The following STARD9 variants were observed in gnomAD, a reference collection of about 807,000 sequenced individuals.
STARD9 encodes stAR-related lipid transfer protein 9.
STARD9 carries 346 observed loss-of-function variants against 399.8 expected under a neutral mutation model. The observed-to-expected ratio is 0.87, with a 90% confidence interval of 0.79 to 0.95. STARD9 has a LOEUF of 0.95. Among genes scored for constraint, STARD9 ranks in the 40% least tolerant of loss-of-function variants. The pLI is 0.00. For missense variants in STARD9, 5,832 were observed against 5,667.5 expected (o/e 1.03, Z -0.93); for synonymous variants, 2,203 against 2,143.5 (o/e 1.03, Z -0.77).
At chr15:42,631,282 A>G (rs1369345838) in intron 3 of STARD9, among the ~76,000 whole-genome samples, 5 of 152,038 alleles carry the variant, frequency 3.3e-5, no homozygotes, top group Non-Finnish European at 5.9e-5. Flanking sequence ...TTCCGTATCC[A>G]TTTGTTTCAA....
intron 3 of STARD9, among the ~76,000 whole-genome samples, chr15:42,585,872 A>G (rs2058267814): frequency 6.6e-6 from 1 of 152,252 alleles, no homozygotes; most frequent in Admixed American, 6.5e-5. Context: ...ATGGTAGGTA[A>G]CAAAAGAAGC....
At chr15:42,655,718 AAAAC>A (rs2059854439) in intron 9 of STARD9, among the ~76,000 whole-genome samples, 2 of 152,238 alleles carry the variant, frequency 1.3e-5, no homozygotes, top group South Asian at 4.1e-4. Flanking sequence ...AAATGCAACA[AAAAC>A]AAAGAGAAAT....
In STARD9 at chr15:42,653,046, G is replaced by A. The variant is rs532382669; in HGVS notation, c.702+454G>A. 4.6e-5 allele frequency among the ~76,000 whole-genome samples: 7 copies of A among 152,010 alleles called. No homozygotes were observed. In the East Asian group the frequency reaches 9.7e-4, roughly 21 times the overall value. ...CTGATAGAACCTAATATTGTAAACC[G>A]GATTTACACACAATCCGTTAAGCTA... On this transcript the variant is annotated intron_variant, in intron 9 of 32. Transcript: ENST00000290607.
In STARD9 at chr15:42,718,115, C is replaced by T. The variant is rs931435627; in HGVS notation, c.13698C>T (p.Pro4566=). 2.0e-6 allele frequency: 3 copies of T among 1,537,204 alleles called. No individual in the cohort carries two copies. The highest frequency in any genetic ancestry group is 2.6e-6 in the Non-Finnish European group (3 of 1,146,900). Residue 4566 remains proline, a synonymous_variant, in exon 30 of 33, where the codon CCC becomes CCT. Transcript: ENST00000290607. ...CTGTCAGTGACCCCACTGTGTGGCC[C>T]CTGTATTACAAGCCCATCCAGACAG... The part of the protein sequence containing the change: ...WAAVSDPTVW[P]LYYKPIQTAR...
chr15:42,691,990 T>A lies in STARD9; in HGVS notation c.10412T>A (p.Leu3471Gln), dbSNP rs1366454850. ...FGSSDISPYALPWRPEEPARI... is the reference protein window; with the variant it reads ...FGSSDISPYAQPWRPEEPARI... ...TCCAGTGACATCAGTCCCTATGCGCTGCCGTGGCGTCCGGAGGAGCCTGCA... is the reference window on the plus strand; with the variant it reads ...TCCAGTGACATCAGTCCCTATGCGCAGCCGTGGCGTCCGGAGGAGCCTGCA... Residue 3471 changes from leucine (L) to glutamine (Q), a missense_variant, in exon 23 of 33, where the codon CTG (leucine) becomes CAG (glutamine). By Grantham distance (113) the Leu-to-Gln change is moderately radical. Coordinates refer to ENST00000290607, the MANE Select transcript of STARD9 (RefSeq NM_020759.3). 5.9e-6 allele frequency: 9 copies of A among 1,537,108 alleles called. No individual in the cohort carries two copies. The Admixed American group carries it at 1.8e-4, about 30-fold the overall frequency.
chr15:42,638,120 A>G, intron 6 of STARD9, 33 bp downstream of exon 6: 2 of 1,521,996 alleles, frequency 1.3e-6, no homozygotes, highest in Non-Finnish European at 1.8e-6. Context: ...GACCTACAGT[A>G]GTTCTTCTTC....
chr15:42,694,851 C>T (rs1210491684), intron 24 of STARD9, 126 bp downstream of exon 24: 1 of 411,958 alleles, frequency 2.4e-6, no homozygotes, highest in Non-Finnish European at 4.2e-6. Context: ...GGAAAGAGGA[C>T]ATAGAAGGGA....
chr15:42,589,336 G>A (rs1169842485), intron 3 of STARD9, among the ~76,000 whole-genome samples: 1 of 152,158 alleles, frequency 6.6e-6, no homozygotes, highest in Non-Finnish European at 1.5e-5. Flanking sequence ...ATAGGCATGA[G>A]TCACCACGCT....
intron 3 of STARD9, among the ~76,000 whole-genome samples, chr15:42,606,632 T>A (rs77315870): frequency 4.9e-5 from 7 of 144,220 alleles, no homozygotes; most frequent in Non-Finnish European, 7.7e-5. Context: ...ATTTTTGTAT[T>A]TTTTTTTTTT....
chr15:42,648,785 T>G (rs2059696605), intron 7 of STARD9, among the ~76,000 whole-genome samples: 1 of 152,112 alleles, frequency 6.6e-6, no homozygotes, highest in African/African-American at 2.4e-5. Context: ...TACCATTACC[T>G]CTTATAATAA....
chr15:42,585,041 C>A (rs778918857), intron 2 of STARD9, among the ~76,000 whole-genome samples: 2 of 152,084 alleles, frequency 1.3e-5, no homozygotes, highest in African/African-American at 4.8e-5. Flanking sequence ...TATAAAATTA[C>A]CTTCAAGCTA....
At chr15:42,612,565 G>A (rs1320776542) in intron 3 of STARD9, among the ~76,000 whole-genome samples, 2 of 152,144 alleles carry the variant, frequency 1.3e-5, no homozygotes, top group Non-Finnish European at 2.9e-5. Context: ...AGGGAGGAGG[G>A]AAGTGTTAGA....
chr15:42,633,645 T>TC (rs1425044085), intron 3 of STARD9, among the ~76,000 whole-genome samples: 2 of 151,554 alleles, frequency 1.3e-5, no homozygotes, highest in African/African-American at 2.4e-5. Flanking sequence ...TTTCTTTCTT[T>TC]CTTTTTTTTT....
intron 3 of STARD9, among the ~76,000 whole-genome samples, chr15:42,602,206 C>T (rs2058643929): frequency 6.6e-6 from 1 of 152,204 alleles, no homozygotes. Flanking sequence ...CTTTGTCAGA[C>T]ATGGCAATAG....
chr15:42,688,053 C>A lies in STARD9; in HGVS notation c.6475C>A (p.Arg2159=). ...PNPFRSREGV[R]ESEPVREHTH... ...CCCCTTCAGGTCAAGGGAAGGTGTA[C>A]GAGAGAGTGAACCTGTGAGAGAGCA... The change falls in exon 23 of 33, where the codon CGA becomes AGA. Residue 2159 remains arginine, a synonymous_variant. Coordinates refer to ENST00000290607, the MANE Select transcript of STARD9 (RefSeq NM_020759.3). 1 of 1,537,400 alleles carries A rather than the reference C, an allele frequency of 6.5e-7. No homozygotes were observed. Among genetic ancestry groups the A allele is most frequent in the African/African-American group, 1.4e-5 (1 of 73,158 alleles).
At position 42,688,477 on chromosome 15, in the gene STARD9, G is replaced by A; in HGVS notation, c.6899G>A (p.Ser2300Asn). Reference protein sequence around the residue: ...NKVTQKFPSLSQLCRDTFFRQ... With the variant: ...NKVTQKFPSLNQLCRDTFFRQ... Reference sequence around the variant, plus strand: ...GTGACTCAGAAATTTCCTAGTCTCAGCCAGCTTTGTAGGGACACGTTTTTC... The same window carrying A: ...GTGACTCAGAAATTTCCTAGTCTCAACCAGCTTTGTAGGGACACGTTTTTC... The change falls in exon 23 of 33, where the codon AGC (serine) becomes AAC (asparagine). Residue 2300 changes from serine (S) to asparagine (N), a missense_variant. Ser to Asn is a conservative substitution (Grantham distance 46, BLOSUM62 1). Coordinates refer to ENST00000290607, the MANE Select transcript of STARD9 (RefSeq NM_020759.3). 1 of 1,537,892 alleles carries A rather than the reference G, an allele frequency of 6.5e-7. No homozygotes were observed. The highest frequency in any genetic ancestry group is 8.7e-7 in the Non-Finnish European group (1 of 1,147,058).
intron 3 of STARD9, among the ~76,000 whole-genome samples, chr15:42,607,686 A>AC (rs2058764892): frequency 1.4e-4 from 20 of 144,102 alleles, no homozygotes; most frequent in Admixed American, 5.4e-4. Context: ...ACACACACAC[A>AC]AATATATATT....
intron 26 of STARD9, among the ~76,000 whole-genome samples, chr15:42,714,692 G>A (rs913381555): frequency 6.6e-6 from 1 of 152,016 alleles, no homozygotes; most frequent in Non-Finnish European, 1.5e-5. Context: ...GGATTCTCCC[G>A]CCCAGCCTCC....
rs907764182 is a variant in STARD9, at chr15:42,694,645, C to T, written c.12882C>T (p.Leu4294=). ...KQLSLLPNKD[L]FIWDLDLPSR... The stretch of plus-strand genomic sequence containing the variant: ...TGAGCCTCCTGCCCAACAAAGATCT[C>T]TTCATCTGGGATCTTGACTTGCCCA... Residue 4294 remains leucine, a synonymous_variant, in exon 24 of 33, where the codon CTC becomes CTT. Transcript: ENST00000290607. 20 of 1,537,090 alleles carry T rather than the reference C, an allele frequency of 1.3e-5. No homozygotes were observed. Among genetic ancestry groups the T allele is most frequent in the Non-Finnish European group, 1.7e-5 (20 of 1,146,910 alleles).
Sources: gnomAD v4.1 joint callset for allele counts (sites outside exome capture counted in the v4.1 genomes callset) on GRCh38, gnomAD v4.1.1 for gene constraint, MANE v1.5 for transcripts, NCBI Gene and HGNC (gene_info 2026-07-23, HGNC 2026-07-21) for gene names.